Variants in TTC6 observed in about 807,000 individuals in gnomAD.
TTC6 encodes the protein tetratricopeptide repeat protein 6.
In TTC6, 172 loss-of-function variants were observed where a neutral mutation model predicts 210.4. The observed-to-expected ratio is 0.82, with a 90% CI of 0.72 to 0.93. The LOEUF is 0.93. Among genes scored for constraint, TTC6 ranks in the 40% least tolerant of loss-of-function variants. The probability of loss-of-function intolerance (pLI) is 0.00; values close to 1 mark genes in which losing one functional copy is unlikely to be tolerated. For missense variants in TTC6, 2,414 were observed against 2,318.1 expected (o/e 1.04, Z -0.85); for synonymous variants, 804 against 819.6 (o/e 0.98, Z 0.32).
chr14:37,758,428 A>T (rs1398001053), intron 14 of TTC6, among the ~76,000 whole-genome samples: 1 of 152,170 alleles, frequency 6.6e-6, no homozygotes. Flanking sequence ...TGATCACTTT[A>T]CCATTATGTA....
chr14:37,804,799 A>C, exon 21 of TTC6: 29 of 1,613,920 alleles, frequency 1.8e-5, no homozygotes, highest in Non-Finnish European at 2.5e-5. Flanking sequence ...ACATGGAGGA[A>C]GGCAATTTAC....
intron 2 of TTC6, among the ~76,000 whole-genome samples, chr14:37,615,969 A>G (rs1425788128): frequency 6.6e-6 from 1 of 152,192 alleles, no homozygotes; most frequent in Non-Finnish European, 1.5e-5. Flanking sequence ...GACATTGTGA[A>G]TGTTTTGTCA....
chr14:37,658,797 G>A (rs2095730484), intron 1 of TTC6, among the ~76,000 whole-genome samples: 1 of 152,112 alleles, frequency 6.6e-6, no homozygotes, highest in African/African-American at 2.4e-5. Flanking sequence ...TTAGGTTCAG[G>A]GGTGCGTATG....
At chr14:37,652,343 T>C (rs1161690486) in intron 1 of TTC6, among the ~76,000 whole-genome samples, 1 of 152,172 alleles carries the variant, frequency 6.6e-6, no homozygotes, top group Non-Finnish European at 1.5e-5. Context: ...CTGGCTGTGA[T>C]AGAAAGAAAT....
intron 3 of TTC6, among the ~76,000 whole-genome samples, chr14:37,685,119 G>T (rs1281890662): frequency 6.6e-6 from 1 of 152,154 alleles, no homozygotes; most frequent in Non-Finnish European, 1.5e-5. Context: ...AGAAATAACT[G>T]ACACAAAGCC....
intron 13 of TTC6, among the ~76,000 whole-genome samples, chr14:37,752,310 A>G (rs1175932087): frequency 6.6e-6 from 1 of 152,002 alleles, no homozygotes; most frequent in Admixed American, 6.6e-5. Context: ...TGCCCTATTT[A>G]TGAATCCATG....
chr14:37,779,731 A>G (rs1040952), intron 14 of TTC6, among the ~76,000 whole-genome samples: 143,376 of 152,242 alleles, frequency 0.94, 67,827 homozygotes, highest in Non-Finnish European at 1. Flanking sequence ...TATTCTGGTT[A>G]TCTACTTCTT....
intron 14 of TTC6, among the ~76,000 whole-genome samples, chr14:37,778,295 C>T (rs2096044137): frequency 6.6e-6 from 1 of 151,962 alleles, no homozygotes; most frequent in Non-Finnish European, 1.5e-5. Context: ...GGATGTTGGG[C>T]TCATGGCCTT....
chr14:37,682,794 A>G lies in TTC6; in HGVS notation c.1087A>G (p.Ile363Val), dbSNP rs1396919537. 5.9e-6 allele frequency: 9 copies of G among 1,535,638 alleles called. No individual in the cohort carries two copies. The East Asian group carries it at 2.0e-4, about 33-fold the overall frequency. ...GGAACTTTCTGAAACCATGTCAAGTATTCTCCAGATTGAACAAGAGGATAT... is the reference window on the plus strand; with the variant it reads ...GGAACTTTCTGAAACCATGTCAAGTGTTCTCCAGATTGAACAAGAGGATAT... Residue 363 changes from isoleucine to valine, a missense_variant, in exon 3 of 31, where the codon ATT becomes GTT. Transcript: ENST00000553443.
intron 14 of TTC6, among the ~76,000 whole-genome samples, chr14:37,781,676 G>T (rs189750356): frequency 6.6e-6 from 1 of 152,248 alleles, no homozygotes; most frequent in East Asian, 1.9e-4. Flanking sequence ...GTTACTTTTG[G>T]TGTTTTAGAC....
chr14:37,842,368 G>T, exon 31 of TTC6: 1 of 1,304,590 alleles, frequency 7.7e-7, no homozygotes. Context: ...TGTCTAAAAG[G>T]TTCTACCATT....
chr14:37,829,723 A>G (rs1193460014), intron 29 of TTC6, among the ~76,000 whole-genome samples: 1 of 152,032 alleles, frequency 6.6e-6, no homozygotes, highest in Non-Finnish European at 1.5e-5. Context: ...AGAACAGAGG[A>G]TTCCAGGCTA....
chr14:37,772,847 A>C (rs932353617), intron 14 of TTC6, among the ~76,000 whole-genome samples: 1 of 152,048 alleles, frequency 6.6e-6, no homozygotes, highest in African/African-American at 2.4e-5. Flanking sequence ...TACTTTCCAC[A>C]ATGGCTTAAC....
intron 14 of TTC6, among the ~76,000 whole-genome samples, chr14:37,772,835 A>C (rs956276873): frequency 6.6e-6 from 1 of 151,798 alleles, no homozygotes; most frequent in Non-Finnish European, 1.5e-5. Flanking sequence ...CTCCCTCCAA[A>C]CTACTTTCCA....
At chr14:37,741,673 C>G (rs1288995405) in intron 10 of TTC6, among the ~76,000 whole-genome samples, 3 of 152,076 alleles carry the variant, frequency 2.0e-5, no homozygotes, top group Non-Finnish European at 2.9e-5. Flanking sequence ...TTCATCACAC[C>G]CATTCTTGGC....
rs941606636 is a variant in TTC6 at position 37,622,808 on chromosome 14, G to A, written c.744G>A (p.Gln248=). 5 of 1,534,066 alleles carry A rather than the reference G, an allele frequency of 3.3e-6. No individual in the cohort carries two copies. In the African/African-American group the frequency reaches 5.5e-5, roughly 17 times the overall value. The change falls in exon 1 of 31, where the codon CAG becomes CAA. Residue 248 remains glutamine, a synonymous_variant. Coordinates refer to ENST00000553443, the Ensembl canonical transcript of TTC6. ...GGGAAGCGGCGGGGTTAGGAGCCCAGGGAGAACAGGAGAGCTGGCCGCCCA... is the reference window on the plus strand; with the variant it reads ...GGGAAGCGGCGGGGTTAGGAGCCCAAGGAGAACAGGAGAGCTGGCCGCCCA...
At position 37,812,514 on chromosome 14, in the gene TTC6, A is replaced by G. The variant is rs1037072494; in HGVS notation, c.4689+81A>G. The G allele has an allele frequency of 2.4e-5, 33 of 1,348,516 alleles. No individual in the cohort carries two copies. In the Admixed American group the frequency reaches 8.7e-4, roughly 36 times the overall value. The allele number at this position is 1,348,516 out of a possible 1,614,324, so 83.5% of individuals were successfully genotyped here. On this transcript the variant is annotated intron_variant, in intron 25 of 30. Transcript: ENST00000553443. Reference sequence around the variant, plus strand: ...AGTGAACAAGATTTTATTATTATCAACTGGCAATATTAATGAGTGGTAGCT... The same window carrying G: ...AGTGAACAAGATTTTATTATTATCAGCTGGCAATATTAATGAGTGGTAGCT...
chr14:37,648,048 T>C (rs992662610), intron 1 of TTC6, among the ~76,000 whole-genome samples: 2 of 152,160 alleles, frequency 1.3e-5, no homozygotes, highest in African/African-American at 2.4e-5. Context: ...CTCCCCATCT[T>C]ATAAATTTTA....
At chr14:37,841,079 G>C (rs903097456) in intron 29 of TTC6, among the ~76,000 whole-genome samples, 1 of 152,148 alleles carries the variant, frequency 6.6e-6, no homozygotes, top group African/African-American at 2.4e-5. Context: ...ATGTTGGCTA[G>C]GCTGGTCTCG....
Sources: allele counts gnomAD v4.1 joint callset (sites outside exome capture counted in the v4.1 genomes callset), GRCh38; gene constraint gnomAD v4.1.1; transcripts MANE v1.5; gene names NCBI Gene and HGNC (gene_info 2026-07-23, HGNC 2026-07-21).